Variants in KLHL22 observed in about 807,000 individuals in gnomAD.
The protein encoded by KLHL22 is kelch like family member 22, also known as kelch-like protein 22.
Under a neutral mutation model 60.7 loss-of-function variants are expected in KLHL22, and 18 were observed. The ratio of observed to expected loss-of-function variants is 0.30; its 90% confidence interval spans 0.20 to 0.44. The LOEUF (loss-of-function observed/expected upper bound fraction) is 0.44, where lower values mean the gene tolerates loss of function less well. Ranked by LOEUF, KLHL22 falls within the 20% of genes least tolerant of loss-of-function variation. KLHL22 has a pLI of 1.00. For synonymous variants in KLHL22, 355 were observed against 354.5 expected (o/e 1.00, Z -0.01); for missense variants, 596 against 852.3 (o/e 0.70, Z 3.74).
intron 2 of KLHL22, chr22:20,483,718 A>C: frequency 1.4e-6 from 1 of 736,444 alleles, no homozygotes; most frequent in Non-Finnish European, 2.5e-6. Flanking sequence ...GATGGTCTTG[A>C]AGTAATGCCT....
At chr22:20,450,007 C>T in intron 5 of KLHL22, 2 of 598,580 alleles carry the variant, frequency 3.3e-6, no homozygotes, top group Non-Finnish European at 6.1e-6. Flanking sequence ...CCTGCTGGAC[C>T]CGCACCCCAC....
chr22:20,460,829 G>A (rs2053142810), intron 4 of KLHL22, among the ~76,000 whole-genome samples: 1 of 151,938 alleles, frequency 6.6e-6, no homozygotes, highest in Non-Finnish European at 1.5e-5. Flanking sequence ...TGCATATAAA[G>A]ATATAAACAA....
Position 20,465,677 on chromosome 22 carries a change from A to G in KLHL22, c.394-101T>C. On this transcript the variant is annotated intron_variant, in intron 3 of 6. Transcript: ENST00000328879. This position sits in a 1 kb window ranked among gnomAD's most constrained non-coding sequence, Gnocchi z 4.9. ...AAATACGGGCTGTTGTGGGCCAGGCAAAGCAGAAGGGAAGTCCTCCTTAAT... is the reference window on the plus strand; with the variant it reads ...AAATACGGGCTGTTGTGGGCCAGGCGAAGCAGAAGGGAAGTCCTCCTTAAT... The G allele has an allele frequency of 1.3e-6, 1 of 741,510 alleles. No individual in the cohort carries two copies. Among genetic ancestry groups the G allele is most frequent in the South Asian group, 1.5e-5 (1 of 67,420 alleles). 45.9% of individuals were successfully genotyped at this position (741,510 alleles called of 1,614,324 possible).
At chr22:20,466,372 T>TAAAAA (rs361874) in intron 3 of KLHL22, among the ~76,000 whole-genome samples, 8 of 70,614 alleles carry the variant, frequency 1.1e-4, no homozygotes, top group African/African-American at 3.9e-4. Flanking sequence ...AGACTCCGTC[T>TAAAAA]AAAAAAAAAA....
In KLHL22 at chr22:20,441,904, G is replaced by A; in HGVS notation, c.*169C>T. ...GGATCTGCATGGCCCTGAGATGCCT[G>A]CGGCAGGCTGGCCAAGGGGCTGGTG... On this transcript the variant is annotated 3_prime_UTR_variant, in exon 7 of 7. Coordinates refer to ENST00000328879, the MANE Select transcript of KLHL22 (RefSeq NM_032775.4). The A allele has an allele frequency of 1.7e-6, 1 of 579,892 alleles. No individual in the cohort carries two copies. The allele number at this position is 579,892 out of a possible 1,614,324, so 35.9% of individuals were successfully genotyped here.
intron 4 of KLHL22, among the ~76,000 whole-genome samples, chr22:20,464,106 C>CCTCAGCT (rs1169045385): frequency 1.3e-5 from 2 of 152,130 alleles, no homozygotes; most frequent in African/African-American, 2.4e-5. Context: ...GTCTTGTGGG[C>CCTCAGCT]CTGAACCACT....
At chr22:20,450,054 C>T (rs2052950894) in intron 5 of KLHL22, 2 of 692,306 alleles carry the variant, frequency 2.9e-6, no homozygotes, top group South Asian at 3.2e-5. Flanking sequence ...CCTGGCGCGG[C>T]TGTGTGGGAT....
At chr22:20,462,556 C>T (rs2053173521) in intron 4 of KLHL22, among the ~76,000 whole-genome samples, 2 of 149,824 alleles carry the variant, frequency 1.3e-5, no homozygotes, top group Admixed American at 6.6e-5. Context: ...GACGAGGTCT[C>T]GCTTTGTTGC....
chr22:20,465,647 G>A lies in KLHL22; in HGVS notation c.394-71C>T, dbSNP rs1428855287. ...ATCTGGGGGTGGGAGAGAGAATGAT[G>A]GCAGAAATACGGGCTGTTGTGGGCC... is the stretch of plus-strand genomic sequence containing the variant. On this transcript the variant is annotated intron_variant, in intron 3 of 6. Coordinates refer to ENST00000328879, the MANE Select transcript of KLHL22 (RefSeq NM_032775.4). This position sits in a 1 kb window ranked among gnomAD's most constrained non-coding sequence, Gnocchi z 4.9. 4.8e-6 allele frequency: 4 copies of A among 825,056 alleles called. No individual in the cohort carries two copies. The highest frequency in any genetic ancestry group is 4.0e-5 in the South Asian group (3 of 74,358). The allele number at this position is 825,056 out of a possible 1,614,324, so 51.1% of individuals were successfully genotyped here. A position where few individuals can be genotyped will look rare whatever the true frequency, so the allele number is the denominator to read the frequency against.
intron 4 of KLHL22, 63 bp from the exon 5 acceptor site, chr22:20,458,063 C>T: frequency 6.4e-7 from 1 of 1,564,708 alleles, no homozygotes; most frequent in African/African-American, 1.3e-5. Context: ...CGCAGGCTTG[C>T]ACCTCTTGTT....
rs755631293 is a variant in KLHL22 at position 20,465,157 on chromosome 22, G to T, written c.813C>A (p.Ala271=). Residue 271 remains alanine, a synonymous_variant, in exon 4 of 7, where the codon GCC becomes GCA. Coordinates refer to ENST00000328879, the MANE Select transcript of KLHL22 (RefSeq NM_032775.4). This position sits in a 1 kb window ranked among gnomAD's most constrained non-coding sequence, Gnocchi z 4.9. ...CGTTCCGGTGGTACATGAGGGCGCTGGCCACTGTGTCCCTCAAAGGGCTGG... is the reference window on the plus strand; with the variant it reads ...CGTTCCGGTGGTACATGAGGGCGCTTGCCACTGTGTCCCTCAAAGGGCTGG... ...LDPSPLRDTV[A]SALMYHRNES... is the part of the protein sequence containing the mutation. The T allele has an allele frequency of 1.2e-5, 19 of 1,613,844 alleles. No homozygotes were observed. In the South Asian group the frequency reaches 2.1e-4, roughly 18 times the overall value.
Position 20,446,534 on chromosome 22 carries a change from C to A in KLHL22, c.1448G>T (p.Arg483Leu). 6.2e-7 allele frequency: 1 copy of A among 1,613,644 alleles called. No homozygotes were observed. The highest frequency in any genetic ancestry group is 8.5e-7 in the Non-Finnish European group (1 of 1,179,922). The change falls in exon 6 of 7, where the codon CGC becomes CTC. Residue 483 changes from arginine (R) to leucine (L), a missense_variant. Transcript: ENST00000328879. ...GAGGGTTGCCATGCCGTGCCAGGCG[C>A]GCCGCACAGGCCCATCAGCCAGTGT... ...WHTLADGPVR[R>L]AWHGMATLLN...
At chr22:20,474,491 A>G (rs1476452088) in intron 2 of KLHL22, among the ~76,000 whole-genome samples, 1 of 152,112 alleles carries the variant, frequency 6.6e-6, no homozygotes, top group Non-Finnish European at 1.5e-5. Flanking sequence ...TCCCGGGTTC[A>G]AGCAATTCTC....
At chr22:20,464,118 T>C (rs1026435216) in intron 4 of KLHL22, among the ~76,000 whole-genome samples, 1 of 152,198 alleles carries the variant, frequency 6.6e-6, no homozygotes, top group African/African-American at 2.4e-5. Context: ...TGAACCACTG[T>C]CCCTTGCTCT....
At chr22:20,457,183 C>T (rs924176846) in intron 5 of KLHL22, among the ~76,000 whole-genome samples, 1 of 152,082 alleles carries the variant, frequency 6.6e-6, no homozygotes, top group East Asian at 1.9e-4. Context: ...AAGAGAGGCA[C>T]CTCCCTAAAA....
At chr22:20,494,248 G>T (rs2053735923) in intron 1 of KLHL22, among the ~76,000 whole-genome samples, 1 of 152,180 alleles carries the variant, frequency 6.6e-6, no homozygotes. Flanking sequence ...GTGTACACCT[G>T]TAGTCCTGGC....
rs140393288 is a variant in KLHL22, at chr22:20,441,906, G to A, written c.*167C>T. 47 of 584,254 alleles carry A rather than the reference G, an allele frequency of 8.0e-5. 1 individual carries two copies. Among genetic ancestry groups the A allele is most frequent in the South Asian group, 5.3e-4 (12 of 22,728 alleles). The allele number at this position is 584,254 out of a possible 1,614,324, so 36.2% of individuals were successfully genotyped here. On this transcript the variant is annotated 3_prime_UTR_variant, in exon 7 of 7. Coordinates refer to ENST00000328879, the MANE Select transcript of KLHL22 (RefSeq NM_032775.4). ...ATCTGCATGGCCCTGAGATGCCTGC[G>A]GCAGGCTGGCCAAGGGGCTGGTGTG...
intron 2 of KLHL22, among the ~76,000 whole-genome samples, chr22:20,475,039 ATTTTC>A (rs2053387595): frequency 6.6e-6 from 1 of 152,074 alleles, no homozygotes; most frequent in Non-Finnish European, 1.5e-5. Context: ...AGCCATTTCC[ATTTTC>A]TTTTCTGAAC....
intron 5 of KLHL22, among the ~76,000 whole-genome samples, chr22:20,453,551 G>A (rs1324666744): frequency 6.6e-6 from 1 of 152,006 alleles, no homozygotes; most frequent in Non-Finnish European, 1.5e-5. Flanking sequence ...CTTGATTACT[G>A]TAGCTATGTA....
Sources: gnomAD v4.1 joint callset for allele counts (sites outside exome capture counted in the v4.1 genomes callset) on GRCh38, gnomAD v4.1.1 for gene constraint, Gnocchi (gnomAD v3.1) non-coding constraint, MANE v1.5 for transcripts, NCBI Gene and HGNC (gene_info 2026-07-23, HGNC 2026-07-21) for gene names.